ECT2L: variants seen among roughly 807,000 people sequenced by gnomAD.
The protein encoded by ECT2L is epithelial cell transforming 2 like, also known as epithelial cell-transforming sequence 2 oncogene-like.
ECT2L carries 126 observed loss-of-function variants against 122.8 expected under a neutral mutation model. The ratio of observed to expected loss-of-function variants is 1.03; its 90% confidence interval spans 0.89 to 1.19. The LOEUF is 1.19. Ranked by LOEUF, ECT2L falls within the 50% of genes most tolerant of loss-of-function variation. The pLI is 0.00. For synonymous variants in ECT2L, 385 were observed against 381.8 expected, an observed-to-expected ratio of 1.01 and a Z score of -0.10; for missense variants, 1,012 against 1,064.1, an observed-to-expected ratio of 0.95 and a Z score of 0.68.
At position 138,823,157 on chromosome 6, in the gene ECT2L, A is replaced by G. The variant is rs539559876; in HGVS notation, c.179+8554A>G. 2.8e-6 allele frequency: 4 copies of G among 1,436,960 alleles called. 1 individual carries two copies. The South Asian group carries it at 4.7e-5, about 17-fold the overall frequency. 89.0% of individuals were successfully genotyped at this position (1,436,960 alleles called of 1,614,324 possible). A position where few individuals can be genotyped will look rare whatever the true frequency, so the allele number is the denominator to read the frequency against. On this transcript the variant is annotated intron_variant, in intron 4 of 21. Transcript: ENST00000541398. ...TTCTGGCTTGCATCAGCATAGACAG[A>G]TATGTGGCAGTAACTAATGTCCCCA...
At chr6:138,839,364 C>CTTTTTTTTTT (rs11325945) in intron 5 of ECT2L, among the ~76,000 whole-genome samples, 1 of 147,614 alleles carries the variant, frequency 6.8e-6, no homozygotes, top group Non-Finnish European at 1.5e-5. Flanking sequence ...TAAACACATA[C>CTTTTTTTTTT]TTTTTTTTTT....
intron 1 of ECT2L, among the ~76,000 whole-genome samples, chr6:138,809,035 C>T (rs977049268): frequency 1.1e-4 from 16 of 151,886 alleles, no homozygotes; most frequent in Non-Finnish European, 1.5e-5. Flanking sequence ...CCTATTTTTT[C>T]CTTTTAAATT....
intron 5 of ECT2L, among the ~76,000 whole-genome samples, chr6:138,839,643 C>T (rs1027238932): frequency 2.0e-5 from 3 of 152,212 alleles, no homozygotes; most frequent in South Asian, 2.1e-4. Context: ...GGATTACAGG[C>T]GTGAGCCACT....
intron 14 of ECT2L, chr6:138,879,223 C>A (rs1582650157): frequency 3.4e-6 from 1 of 291,918 alleles, no homozygotes; most frequent in South Asian, 3.4e-5. Context: ...GTGGTGTATG[C>A]CTGTTAATCT....
intron 4 of ECT2L, among the ~76,000 whole-genome samples, chr6:138,821,469 C>G (rs1485788496): frequency 1.3e-5 from 2 of 152,110 alleles, no homozygotes; most frequent in Non-Finnish European, 2.9e-5. Flanking sequence ...TTTGTTTGGG[C>G]TTTACTCTGA....
At chr6:138,886,026 G>A (rs762855272) in intron 18 of ECT2L, among the ~76,000 whole-genome samples, 196 bp downstream of exon 18, 7 of 152,064 alleles carry the variant, frequency 4.6e-5, no homozygotes, top group Non-Finnish European at 8.8e-5. Flanking sequence ...CAAGCAACAT[G>A]AGACAATGTT....
At chr6:138,876,936 G>A (rs969218673) in intron 14 of ECT2L, among the ~76,000 whole-genome samples, 2 of 152,280 alleles carry the variant, frequency 1.3e-5, no homozygotes, top group East Asian at 1.9e-4. Context: ...TGAACACAAT[G>A]TCTAGGGCTC....
chr6:138,846,428 G>A, intron 7 of ECT2L, 111 bp from the exon 8 acceptor site: 1 of 1,025,478 alleles, frequency 9.8e-7, no homozygotes, highest in Non-Finnish European at 1.3e-6. Context: ...AAGGCATGGA[G>A]GCCACGTGCC....
At chr6:138,844,325 G>T in intron 6 of ECT2L, 87 bp from the exon 7 acceptor site, 1 of 1,474,980 alleles carries the variant, frequency 6.8e-7, no homozygotes, top group Admixed American at 2.0e-5. Flanking sequence ...CCCTGGTACA[G>T]CTTTATTTTT....
rs76241582 is a variant in ECT2L at position 138,849,389 on chromosome 6, G to A, written c.1024G>A (p.Gly342Arg). Residue 342 changes from glycine to arginine, a missense_variant, in exon 9 of 22, where the codon GGA (glycine) becomes AGA (arginine). Transcript: ENST00000541398. ...GGATGGGCAGAAGGCACAGAGCATC[G>A]GAATATTTAGCGATGGAGACAGCAG... ...ALDGQKAQSIGIFSDGDSREI... is the reference protein window; with the variant it reads ...ALDGQKAQSIRIFSDGDSREI... 1,472 of 1,613,784 alleles carry A rather than the reference G, an allele frequency of 9.1e-4. 14 individuals are homozygous for A. The African/African-American group carries it at 0.017, about 18-fold the overall frequency.
At chr6:138,886,946 G>A in intron 19 of ECT2L, 24 bp downstream of exon 19, 2 of 1,587,320 alleles carry the variant, frequency 1.3e-6, no homozygotes, top group Non-Finnish European at 1.7e-6. Context: ...GGAACTTGCT[G>A]TATCTCATGC....
At chr6:138,899,207 G>A (rs568388935) in intron 20 of ECT2L, among the ~76,000 whole-genome samples, 1 of 151,948 alleles carries the variant, frequency 6.6e-6, no homozygotes, top group Admixed American at 6.5e-5. Flanking sequence ...GGGGACCCAA[G>A]CCTCTAAACA....
intron 20 of ECT2L, among the ~76,000 whole-genome samples, chr6:138,891,572 CA>C (rs1030849852): frequency 1.2e-5 from 1 of 84,238 alleles, no homozygotes; most frequent in Admixed American, 1.3e-4. Context: ...AATTGCCAAT[CA>C]AAAAATCTTT....
rs1779488854 is a variant in ECT2L, at chr6:138,903,784, G to A, written c.*1157G>A. On this transcript the variant is annotated 3_prime_UTR_variant, in exon 22 of 22. Coordinates refer to ENST00000541398, the MANE Select transcript of ECT2L (RefSeq NM_001077706.3). ...TACTGAAAGCCACTTGGAAACTTCA[G>A]CTGATGTATATTTTTACCTAGATAT... is the stretch of plus-strand genomic sequence containing the variant. 1 of 152,124 alleles carries A rather than the reference G, an allele frequency of 6.6e-6. No homozygotes were observed. Among genetic ancestry groups the A allele is most frequent in the Non-Finnish European group, 1.5e-5 (1 of 68,022 alleles). 9.4% of individuals were successfully genotyped at this position (152,124 alleles called of 1,614,324 possible).
Position 138,812,900 on chromosome 6 carries a change from G to A in ECT2L, c.-181G>A, listed in dbSNP as rs746866. ...GGCAGTTTCTAAGTAGCATTTCCTG[G>A]AACGTTCTTAATGCTTCCCATTTTC... is the stretch of plus-strand genomic sequence containing the variant. On this transcript the variant is annotated 5_prime_UTR_variant, in exon 2 of 22. Coordinates refer to ENST00000541398, the MANE Select transcript of ECT2L (RefSeq NM_001077706.3). 124,253 of 169,742 alleles carry A rather than the reference G, an allele frequency of 0.73. 45,811 individuals carry two copies. Among genetic ancestry groups the A allele is most frequent in the East Asian group, 0.89 (5,592 of 6,304 alleles). 10.5% of individuals were successfully genotyped at this position (169,742 alleles called of 1,614,324 possible).
chr6:138,837,641 CAA>C lies in ECT2L; in HGVS notation c.180-697_180-696del, dbSNP rs56775844. ...AAGTTTCTTCTAGAAGCACTGGTCT[CAA>C]AAAAAAAAAAAAACAACAATTAAAA... On this transcript the variant is annotated intron_variant, in intron 4 of 21. Coordinates refer to ENST00000541398, the MANE Select transcript of ECT2L (RefSeq NM_001077706.3). Among the ~76,000 whole-genome samples the C allele has an allele frequency of 5.5e-3, 779 of 142,776 alleles. 4 individuals are homozygous for C. Among genetic ancestry groups the C allele is most frequent in the Middle Eastern group, 0.04 (11 of 274 alleles). 93.7% of individuals were successfully genotyped at this position (142,776 alleles called of 152,430 possible). A position where few individuals can be genotyped will look rare whatever the true frequency, so the allele number is the denominator to read the frequency against.
At chr6:138,840,419 T>C (rs1265225452) in intron 5 of ECT2L, among the ~76,000 whole-genome samples, 1 of 152,218 alleles carries the variant, frequency 6.6e-6, no homozygotes, top group Non-Finnish European at 1.5e-5. Flanking sequence ...TTCCTGCATC[T>C]CTGAGTTTCC....
intron 13 of ECT2L, among the ~76,000 whole-genome samples, chr6:138,871,033 CAG>C (rs959026759): frequency 1.3e-5 from 2 of 152,076 alleles, no homozygotes; most frequent in African/African-American, 4.8e-5. Flanking sequence ...CCCTGGGTGA[CAG>C]AGTGAGACTC....
At chr6:138,797,562 C>T in intron 1 of ECT2L, among the ~76,000 whole-genome samples, 1 of 152,112 alleles carries the variant, frequency 6.6e-6, no homozygotes, top group East Asian at 1.9e-4. Flanking sequence ...CTGTGTGATC[C>T]CAGTGAGGAT....
Sources: allele counts gnomAD v4.1 joint callset (sites outside exome capture counted in the v4.1 genomes callset), GRCh38; gene constraint gnomAD v4.1.1; transcripts MANE v1.5; gene names NCBI Gene and HGNC (gene_info 2026-07-23, HGNC 2026-07-21).